DCHS1: variants seen among roughly 807,000 people sequenced by gnomAD.
DCHS1 encodes protocadherin-16.
DCHS1 carries 78 observed loss-of-function variants against 213.9 expected under a neutral mutation model. That is an observed-to-expected ratio of 0.36 (90% CI 0.30 to 0.44). The LOEUF is 0.44. DCHS1 is among the 20% of genes least tolerant of loss of function. The pLI, the probability that DCHS1 is intolerant of heterozygous loss-of-function variation, is 1.00. For synonymous variants in DCHS1, 1,828 were observed against 1,873.7 expected (o/e 0.98, Z 0.63); for missense variants, 3,946 against 4,395.9 (o/e 0.90, Z 2.89).
rs748501885 is a variant in DCHS1 at position 6,634,225 on chromosome 11, G to A, written c.1879C>T (p.Pro627Ser). Residue 627 changes from proline to serine, a missense_variant, in exon 3 of 21, where the codon CCC becomes TCC. Transcript: ENST00000299441. ...CTGTGGGCATCAATGCGGAATGGGGGAGATCCGGAGGACCCAAGTCCAGCA... is the reference window on the plus strand; with the variant it reads ...CTGTGGGCATCAATGCGGAATGGGGAAGATCCGGAGGACCCAAGTCCAGCA... ...LGAGLGSSGSPPFRIDAHSGD... is the reference protein window; with the variant it reads ...LGAGLGSSGSSPFRIDAHSGD... 1 of 1,613,994 alleles carries A rather than the reference G, an allele frequency of 6.2e-7. No individual in the cohort carries two copies. Among genetic ancestry groups the A allele is most frequent in the Admixed American group, 1.7e-5 (1 of 60,020 alleles).
rs1855925752 is a variant in DCHS1, at chr11:6,632,455, G to A, written c.3057C>T (p.Val1019=). The change falls in exon 6 of 21, where the codon GTC becomes GTT. Residue 1019 remains valine (V), a synonymous_variant. Coordinates refer to ENST00000299441, the MANE Select transcript of DCHS1 (RefSeq NM_003737.4). This position sits in a 1 kb window ranked among gnomAD's most constrained non-coding sequence, Gnocchi z 5.9. ...CTGGTGCTTGGGCCTGCACTTGCAG[G>A]ACCTGAGTTCCAGCAGTGGTGCCTG... ...LPSGTTAGTQ[V]LQVQAQAPDG... 6.3e-7 allele frequency: 1 copy of A among 1,598,262 alleles called. No homozygotes were observed. Among genetic ancestry groups the A allele is most frequent in the South Asian group, 1.1e-5 (1 of 89,290 alleles).
In DCHS1 at chr11:6,641,917, C is replaced by T. The variant is rs780015586; in HGVS notation, c.-120-184G>A. Among the ~76,000 whole-genome samples the T allele has an allele frequency of 3.9e-5, 6 of 152,202 alleles. No individual in the cohort carries two copies. The highest frequency in any genetic ancestry group is 8.8e-5 in the Non-Finnish European group (6 of 68,042). On this transcript the variant is annotated intron_variant, in intron 1 of 20. Coordinates refer to ENST00000299441, the MANE Select transcript of DCHS1 (RefSeq NM_003737.4). This position sits in a 1 kb window ranked among gnomAD's most constrained non-coding sequence, Gnocchi z 7.1. ...CTCTTCGAGGCCACTCCAGCCTTCC[C>T]CTTGGCAGATCTCATCCTTTCCTAC...
intron 2 of DCHS1, among the ~76,000 whole-genome samples, chr11:6,639,100 A>C (rs1661117620): frequency 1.6e-5 from 2 of 125,924 alleles, no homozygotes; most frequent in African/African-American, 2.6e-5. Flanking sequence ...ACAGAGCGAG[A>C]CTCCGCCTCA....
chr11:6,630,371 G>T lies in DCHS1; in HGVS notation c.4423C>A (p.Arg1475Ser), dbSNP rs1464855520. Residue 1475 changes from arginine (R) to serine (S), a missense_variant, in exon 10 of 21, where the codon CGC becomes AGC. Physicochemically the swap from Arg to Ser is moderately radical, Grantham distance 110. Transcript: ENST00000299441. ...GPGPNSDVRY[R>S]LLRQEPPVPA... is the part of the protein sequence containing the mutation. Reference sequence around the variant, plus strand: ...ACGGGCGGCTCCTGGCGCAGCAGGCGGTAGCGCACGTCGCTATTGGGGCCG... The same window carrying T: ...ACGGGCGGCTCCTGGCGCAGCAGGCTGTAGCGCACGTCGCTATTGGGGCCG... 3 of 1,356,506 alleles carry T rather than the reference G, an allele frequency of 2.2e-6. No individual in the cohort carries two copies. The highest frequency in any genetic ancestry group is 1.6e-5 in the South Asian group (1 of 64,108). The allele number at this position is 1,356,506 out of a possible 1,614,324, so 84.0% of individuals were successfully genotyped here.
Position 6,628,908 on chromosome 11 carries a change from T to C in DCHS1, c.5162-78A>G, listed in dbSNP as rs1036375289. ...ATCCACACCACACAGTGTTCATACA[T>C]GTTCACTAGGTGCACACAAACCAGA... is the stretch of plus-strand genomic sequence containing the variant. On this transcript the variant is annotated intron_variant, in intron 12 of 20. Transcript: ENST00000299441. This position sits in a 1 kb window ranked among gnomAD's most constrained non-coding sequence, Gnocchi z 4.3. 8.2e-6 allele frequency: 12 copies of C among 1,466,778 alleles called. No homozygotes were observed. Among genetic ancestry groups the C allele is most frequent in the Non-Finnish European group, 1.0e-5 (11 of 1,068,982 alleles). 90.9% of individuals were successfully genotyped at this position (1,466,778 alleles called of 1,614,324 possible).
At chr11:6,654,739 G>T (rs1022118232) in intron 1 of DCHS1, among the ~76,000 whole-genome samples, 48 of 152,104 alleles carry the variant, frequency 3.2e-4, no homozygotes, top group African/African-American at 1.1e-3. Flanking sequence ...GTAGGGCTAT[G>T]ACTGTGTCCC....
At chr11:6,655,336 C>A (rs1392549661) in intron 1 of DCHS1, among the ~76,000 whole-genome samples, 2 of 151,980 alleles carry the variant, frequency 1.3e-5, no homozygotes, top group Non-Finnish European at 2.9e-5. Flanking sequence ...CGCACGCTCC[C>A]GCCGCCACCC....
At chr11:6,651,362 A>G (rs1266709444) in intron 1 of DCHS1, among the ~76,000 whole-genome samples, 1 of 152,156 alleles carries the variant, frequency 6.6e-6, no homozygotes, top group African/African-American at 2.4e-5. Context: ...ACTACAGGAA[A>G]TTCAGTATGG....
intron 1 of DCHS1, among the ~76,000 whole-genome samples, chr11:6,649,827 G>T (rs1453808063): frequency 2.0e-5 from 3 of 152,172 alleles, no homozygotes; most frequent in Non-Finnish European, 4.4e-5. Flanking sequence ...TAGCAGAAAA[G>T]TTGGAGATGT....
chr11:6,639,610 T>A (rs892660545), intron 2 of DCHS1, among the ~76,000 whole-genome samples: 1 of 152,208 alleles, frequency 6.6e-6, no homozygotes, highest in Non-Finnish European at 1.5e-5. Flanking sequence ...GCCAAGACCA[T>A]CTGCCTCAGC....
In DCHS1 at chr11:6,623,064, C is replaced by A. The variant is rs148710242; in HGVS notation, c.8612G>T (p.Arg2871Leu). Reference sequence around the variant, plus strand: ...GCTGCCTGGTGCCCGACTGTCCACCCGCAGGTACAGGGCTCCTGTAGTCTG... The same window carrying A: ...GCTGCCTGGTGCCCGACTGTCCACCAGCAGGTACAGGGCTCCTGTAGTCTG... ...INQTTGALYL[R>L]VDSRAPGSGT... The change falls in exon 21 of 21, where the codon CGG (arginine) becomes CTG (leucine). Residue 2871 changes from arginine (R) to leucine (L), a missense_variant. Physicochemically the swap from Arg to Leu is moderately radical, Grantham distance 102 (BLOSUM62 -2). Around this residue, in one of 3 missense-constraint regions of DCHS1, gnomAD observed 554 missense variants for 590.2 expected, o/e 0.94. Coordinates refer to ENST00000299441, the MANE Select transcript of DCHS1 (RefSeq NM_003737.4). The A allele has an allele frequency of 1.3e-6, 2 of 1,585,174 alleles. No individual in the cohort carries two copies. Among genetic ancestry groups the A allele is most frequent in the East Asian group, 2.3e-5 (1 of 43,176 alleles).
In DCHS1 at chr11:6,630,870, T is replaced by C; in HGVS notation, c.3931-7A>G. 1 of 1,515,386 alleles carries C rather than the reference T, an allele frequency of 6.6e-7. No homozygotes were observed. The highest frequency in any genetic ancestry group is 8.9e-7 in the Non-Finnish European group (1 of 1,128,640). 93.9% of individuals were successfully genotyped at this position (1,515,386 alleles called of 1,614,324 possible). A position where few individuals can be genotyped will look rare whatever the true frequency, so the allele number is the denominator to read the frequency against. ...AGCGAGCTGAGGGAAGCACCTGTTG[T>C]GGACCGGGGAGGGAGAACAGAATTG... On this transcript the variant is annotated splice_region_variant and splice_polypyrimidine_tract_variant and intron_variant, in intron 9 of 20. Transcript: ENST00000299441.
intron 1 of DCHS1, among the ~76,000 whole-genome samples, chr11:6,643,429 T>A (rs1856110643): frequency 6.6e-6 from 1 of 152,206 alleles, no homozygotes; most frequent in African/African-American, 2.4e-5. Flanking sequence ...GGCGGCCACC[T>A]GTTTATCTTC....
In DCHS1 at chr11:6,640,002, A is replaced by G. The variant is rs769164394; in HGVS notation, c.1612T>C (p.Tyr538His). 1 of 1,613,928 alleles carries G rather than the reference A, an allele frequency of 6.2e-7. No homozygotes were observed. Among genetic ancestry groups the G allele is most frequent in the Admixed American group, 1.7e-5 (1 of 60,028 alleles). Reference sequence around the variant, plus strand: ...AGCTGTGGCTGAGGTTCCAACTCATAGTCCAGTGAGGCAGCCGTAGTGATA... The same window carrying G: ...AGCTGTGGCTGAGGTTCCAACTCATGGTCCAGTGAGGCAGCCGTAGTGATA... ...GIITTAASLD[Y>H]ELEPQPQLIV... is the part of the protein sequence containing the mutation. Residue 538 changes from tyrosine to histidine, a missense_variant, in exon 2 of 21, where the codon TAT becomes CAT. Physicochemically the swap from Tyr to His is moderately conservative, Grantham distance 83. Coordinates refer to ENST00000299441, the MANE Select transcript of DCHS1 (RefSeq NM_003737.4). The surrounding 1 kb of genome is among the most constrained non-coding windows in gnomAD (Gnocchi z 6.5).
chr11:6,639,569 T>C (rs1001535184), intron 2 of DCHS1, among the ~76,000 whole-genome samples: 2 of 152,224 alleles, frequency 1.3e-5, no homozygotes, highest in Admixed American at 1.3e-4. Context: ...AAATCATTTC[T>C]CCACTAGATC....
Position 6,621,832 on chromosome 11 carries a change from G to C in DCHS1, c.9844C>G (p.Leu3282Val), listed in dbSNP as rs758033350. 9.9e-6 allele frequency: 16 copies of C among 1,609,180 alleles called. No homozygotes were observed. Among genetic ancestry groups the C allele is most frequent in the Non-Finnish European group, 1.4e-5 (16 of 1,178,132 alleles). ...GGCTCCAGGCCAGACTCTGCGCTGA[G>C]TGCTGAGGCTGAGGGACCCTGGGCC... ...GVAQGPSASA[L>V]SAESGLEPPD... Residue 3282 changes from leucine (L) to valine (V), a missense_variant, in exon 21 of 21, where the codon CTC becomes GTC. Around this residue, in one of 3 missense-constraint regions of DCHS1, gnomAD observed 554 missense variants for 590.2 expected, o/e 0.94. Coordinates refer to ENST00000299441, the MANE Select transcript of DCHS1 (RefSeq NM_003737.4).
intron 2 of DCHS1, among the ~76,000 whole-genome samples, chr11:6,638,069 G>A (rs551844991): frequency 2.6e-5 from 4 of 152,254 alleles, no homozygotes; most frequent in African/African-American, 9.6e-5. Context: ...TAGCCCATTG[G>A]TCCTGGACAA....
Position 6,630,293 on chromosome 11 carries a change from G to C in DCHS1, c.4501C>G (p.Leu1501Val). ...AGCGCGGGAGTGGTCTCTCGGTCCAGGCCGCGCGGAGCGCTGAGCGCCCCG... is the reference window on the plus strand; with the variant it reads ...AGCGCGGGAGTGGTCTCTCGGTCCACGCCGCGCGGAGCGCTGAGCGCCCCG... ...RTGALSAPRG[L>V]DRETTPALLL... The change falls in exon 10 of 21, where the codon CTG becomes GTG. Residue 1501 changes from leucine (L) to valine (V), a missense_variant. By Grantham distance (32) the Leu-to-Val change is conservative (BLOSUM62 1). Transcript: ENST00000299441. 1 of 1,495,368 alleles carries C rather than the reference G, an allele frequency of 6.7e-7. No individual in the cohort carries two copies. Among genetic ancestry groups the C allele is most frequent in the Non-Finnish European group, 8.9e-7 (1 of 1,127,032 alleles). The allele number at this position is 1,495,368 out of a possible 1,614,324, so 92.6% of individuals were successfully genotyped here. A position where few individuals can be genotyped will look rare whatever the true frequency, so the allele number is the denominator to read the frequency against.
Position 6,640,473 on chromosome 11 carries a change from G to A in DCHS1, c.1141C>T (p.Pro381Ser), listed in dbSNP as rs775859864. ...GAGATGCGAGCAACGAGCTGTCCAGGTGGGGCGGCCTCAGACACTTGGGGG... is the reference window on the plus strand; with the variant it reads ...GAGATGCGAGCAACGAGCTGTCCAGATGGGGCGGCCTCAGACACTTGGGGG... ...GSPQVSEAAP[P>S]GQLVARISVS... The change falls in exon 2 of 21, where the codon CCT (proline) becomes TCT (serine). Residue 381 changes from proline (P) to serine (S), a missense_variant. This residue lies in a region of DCHS1 where 3,384 missense variants were observed against 3,780.1 expected (regional missense o/e 0.90). Coordinates refer to ENST00000299441, the MANE Select transcript of DCHS1 (RefSeq NM_003737.4). The surrounding 1 kb of genome is among the most constrained non-coding windows in gnomAD (Gnocchi z 6.5). The A allele has an allele frequency of 2.5e-6, 4 of 1,613,688 alleles. No homozygotes were observed. The South Asian group carries it at 3.3e-5, about 13-fold the overall frequency.
Sources: allele counts gnomAD v4.1 joint callset (sites outside exome capture counted in the v4.1 genomes callset), GRCh38; gene constraint gnomAD v4.1.1; regional missense constraint gnomAD v4.1.1; non-coding constraint Gnocchi (gnomAD v3.1); transcripts MANE v1.5; gene names NCBI Gene and HGNC (gene_info 2026-07-23, HGNC 2026-07-21).